The following RPTOR variants were observed in gnomAD, a reference collection of about 807,000 sequenced individuals.
RPTOR encodes the protein regulatory associated protein of MTOR complex 1.
RPTOR carries 21 observed loss-of-function variants against 169.9 expected under a neutral mutation model. The ratio of observed to expected loss-of-function variants is 0.12; its 90% CI spans 0.09 to 0.18. The LOEUF is 0.18. Among genes scored for constraint, RPTOR ranks in the 10% least tolerant of loss-of-function variants. The probability of loss-of-function intolerance (pLI) is 1.00; values close to 1 mark genes in which losing one functional copy is unlikely to be tolerated. For missense variants in RPTOR, 1,133 were observed against 1,855.9 expected, an observed-to-expected ratio of 0.61 and a Z score of 7.16; for synonymous variants, 732 against 753.2, an observed-to-expected ratio of 0.97 and a Z score of 0.46.
chr17:80,926,220 C>T (rs1028402733), intron 24 of RPTOR, among the ~76,000 whole-genome samples: 1 of 152,182 alleles, frequency 6.6e-6, no homozygotes, highest in Admixed American at 6.5e-5. Context: ...CAGCTCAGTC[C>T]CTGTGGTCCT....
At chr17:80,923,811 C>A in intron 23 of RPTOR, 138 bp downstream of exon 23, 1 of 940,402 alleles carries the variant, frequency 1.1e-6, no homozygotes, top group Non-Finnish European at 1.6e-6. Flanking sequence ...GGTCTGTGGG[C>A]CACTCTCTGC....
At chr17:80,827,171 T>C (rs1220644317) in intron 9 of RPTOR, among the ~76,000 whole-genome samples, 3 of 152,204 alleles carry the variant, frequency 2.0e-5, no homozygotes, top group Non-Finnish European at 4.4e-5. Flanking sequence ...AGACCAGTCA[T>C]GGCCCTTCTG....
rs796977919 is a variant in RPTOR at position 80,946,085 on chromosome 17, G to T, written c.3140+304G>T. On this transcript the variant is annotated intron_variant, in intron 26 of 33. Coordinates refer to ENST00000306801, the MANE Select transcript of RPTOR (RefSeq NM_020761.3). Reference sequence around the variant, plus strand: ...ACACTTGTAATAGAGGCGTACACAGGGGGGCCAGCTTGCTGCCCTGCCCGC... The same window carrying T: ...ACACTTGTAATAGAGGCGTACACAGTGGGGCCAGCTTGCTGCCCTGCCCGC... Among the ~76,000 whole-genome samples, 9 of 152,274 alleles carry T rather than the reference G, an allele frequency of 5.9e-5. 1 individual carries two copies. Among genetic ancestry groups the T allele is most frequent in the African/African-American group, 2.2e-4 (9 of 41,560 alleles).
At chr17:80,766,752 A>G (rs920936800) in intron 6 of RPTOR, among the ~76,000 whole-genome samples, 4 of 152,188 alleles carry the variant, frequency 2.6e-5, no homozygotes, top group African/African-American at 7.2e-5. Context: ...TACCGGCAAT[A>G]ATTGATCTCA....
At chr17:80,922,595 T>G in intron 21 of RPTOR, 129 bp from the exon 22 acceptor site, 2 of 741,504 alleles carry the variant, frequency 2.7e-6, no homozygotes, top group Non-Finnish European at 2.3e-6. Context: ...TCCATTGGTG[T>G]TGGTGCTTCC....
intron 3 of RPTOR, among the ~76,000 whole-genome samples, chr17:80,698,537 C>T (rs1209485299): frequency 6.6e-6 from 1 of 152,198 alleles, no homozygotes; most frequent in Non-Finnish European, 1.5e-5. Context: ...GTGGAAAGAG[C>T]TGGAGTTACG....
At chr17:80,753,431 G>A (rs1056416360) in intron 5 of RPTOR, among the ~76,000 whole-genome samples, 1 of 151,878 alleles carries the variant, frequency 6.6e-6, no homozygotes, top group Non-Finnish European at 1.5e-5. Context: ...TCAGGAGATC[G>A]AGACCATCCT....
At chr17:80,784,440 G>A (rs1456172330) in intron 6 of RPTOR, among the ~76,000 whole-genome samples, 1 of 151,324 alleles carries the variant, frequency 6.6e-6, no homozygotes, top group African/African-American at 2.4e-5. Context: ...TGCCCAGGCT[G>A]GAGTGCAATG....
At chr17:80,731,152 A>G (rs1219694553) in intron 5 of RPTOR, among the ~76,000 whole-genome samples, 1 of 152,186 alleles carries the variant, frequency 6.6e-6, no homozygotes, top group African/African-American at 2.4e-5. Context: ...TTCTGGGATT[A>G]CAGGCTTGAG....
At chr17:80,856,329 C>T (rs755178063) in intron 12 of RPTOR, among the ~76,000 whole-genome samples, 6 of 152,198 alleles carry the variant, frequency 3.9e-5, no homozygotes, top group Non-Finnish European at 8.8e-5. Context: ...GAGATAGACA[C>T]TGAATATTCA....
chr17:80,593,641 A>G (rs1302933399), intron 1 of RPTOR: 1 of 152,852 alleles, frequency 6.5e-6, no homozygotes, highest in Non-Finnish European at 1.5e-5. Flanking sequence ...GAATCAATGT[A>G]TTACAGCAGA....
intron 1 of RPTOR, among the ~76,000 whole-genome samples, chr17:80,570,035 C>T (rs890337673): frequency 1.3e-5 from 2 of 152,140 alleles, no homozygotes; most frequent in Admixed American, 6.6e-5. Flanking sequence ...CTGCCTCCTC[C>T]GTGTGGCTGT....
chr17:80,616,703 C>T (rs2065313807), intron 1 of RPTOR, among the ~76,000 whole-genome samples: 2 of 151,958 alleles, frequency 1.3e-5, no homozygotes, highest in South Asian at 4.1e-4. Flanking sequence ...TGGGAGGATC[C>T]GTTTGAGCCC....
intron 13 of RPTOR, among the ~76,000 whole-genome samples, chr17:80,862,752 C>T (rs1192405635): frequency 6.7e-6 from 1 of 150,046 alleles, no homozygotes; most frequent in Non-Finnish European, 1.5e-5. Context: ...TCCTGCAGCC[C>T]TCAGCCGTCC....
At chr17:80,690,334 C>CACACAT (rs1361445773) in intron 3 of RPTOR, among the ~76,000 whole-genome samples, 2 of 122,986 alleles carry the variant, frequency 1.6e-5, no homozygotes, top group Non-Finnish European at 3.6e-5. Flanking sequence ...TAAACACACA[C>CACACAT]ACACACATAC....
intron 2 of RPTOR, among the ~76,000 whole-genome samples, chr17:80,628,236 G>C (rs2065411633): frequency 6.6e-6 from 1 of 152,086 alleles, no homozygotes; most frequent in Non-Finnish European, 1.5e-5. Flanking sequence ...CATATTTATT[G>C]TTTTGAGGAC....
chr17:80,836,419 A>G (rs2067565088), intron 9 of RPTOR, among the ~76,000 whole-genome samples: 1 of 152,110 alleles, frequency 6.6e-6, no homozygotes, highest in Non-Finnish European at 1.5e-5. Context: ...GGGCACCTGC[A>G]GGATGTCTGT....
chr17:80,961,298 G>C, intron 30 of RPTOR, 96 bp from the exon 31 acceptor site: 1 of 1,197,532 alleles, frequency 8.4e-7, no homozygotes, highest in Non-Finnish European at 1.2e-6. Flanking sequence ...CGGACCCGCT[G>C]GCACAGGCAG....
intron 13 of RPTOR, among the ~76,000 whole-genome samples, chr17:80,865,426 G>T (rs8070964): frequency 1.3e-5 from 2 of 152,152 alleles, no homozygotes; most frequent in Non-Finnish European, 2.9e-5. Context: ...ATAAAGACAC[G>T]AGTAGATTGA....
Sources: allele counts gnomAD v4.1 joint callset (sites outside exome capture counted in the v4.1 genomes callset), GRCh38; gene constraint gnomAD v4.1.1; transcripts MANE v1.5; gene names NCBI Gene and HGNC (gene_info 2026-07-23, HGNC 2026-07-21).